Variants in ST6GALNAC5 observed in about 807,000 individuals in gnomAD.
ST6GALNAC5 encodes the protein alpha-N-acetylgalactosaminide alpha-2,6-sialyltransferase 5.
A neutral mutation model predicts 33.6 loss-of-function variants in ST6GALNAC5; 27 were observed. That is an observed-to-expected ratio of 0.80 (90% CI 0.59 to 1.11). ST6GALNAC5 has a LOEUF of 1.11. ST6GALNAC5 is among the 50% of genes least tolerant of loss of function. The pLI, the probability that ST6GALNAC5 is intolerant of heterozygous loss-of-function variation, is 0.00. For synonymous variants in ST6GALNAC5, 194 were observed against 171.2 expected (o/e 1.13, Z -1.04); for missense variants, 428 against 454.0 (o/e 0.94, Z 0.52).
chr1:76,975,714 GA>G (rs1433409003), intron 2 of ST6GALNAC5, among the ~76,000 whole-genome samples: 1 of 152,132 alleles, frequency 6.6e-6, no homozygotes, highest in African/African-American at 2.4e-5. Flanking sequence ...GTTTAAACAT[GA>G]GAAAATTTAA....
In ST6GALNAC5 at chr1:76,929,795, T is replaced by C. The variant is rs142671745; in HGVS notation, c.261+61053T>C. Among the ~76,000 whole-genome samples the C allele has an allele frequency of 3.9e-3, 589 of 152,208 alleles. 3 individuals are homozygous for C. The highest frequency in any genetic ancestry group is 9.4e-3 in the Admixed American group (144 of 15,272). ...ATTATATGTAGAAATAATATTTTTG[T>C]AGTTTGAATTTAATAAGATATTATT... On this transcript the variant is annotated intron_variant, in intron 2 of 4. Coordinates refer to ENST00000477717, the MANE Select transcript of ST6GALNAC5 (RefSeq NM_030965.3).
intron 2 of ST6GALNAC5, among the ~76,000 whole-genome samples, chr1:76,968,230 G>A (rs1570719031): frequency 6.6e-6 from 1 of 152,226 alleles, no homozygotes; most frequent in African/African-American, 2.4e-5. Flanking sequence ...TCCCTTTGTA[G>A]GTCTCTAAGG....
chr1:77,010,180 G>A lies in ST6GALNAC5; in HGVS notation c.262-34024G>A, dbSNP rs1650580290. Among the ~76,000 whole-genome samples, 3 of 152,104 alleles carry A rather than the reference G, an allele frequency of 2.0e-5. No homozygotes were observed. In the South Asian group the frequency reaches 6.2e-4, roughly 32 times the overall value. On this transcript the variant is annotated intron_variant, in intron 2 of 4. Coordinates refer to ENST00000477717, the MANE Select transcript of ST6GALNAC5 (RefSeq NM_030965.3). ...TCAATAAGTGTTAACTCAGTGATAG[G>A]GCAGATGGTCATTGATTTAAAAATA...
intron 2 of ST6GALNAC5, among the ~76,000 whole-genome samples, chr1:77,022,629 A>G (rs1651096350): frequency 6.6e-6 from 1 of 152,250 alleles, no homozygotes; most frequent in Non-Finnish European, 1.5e-5. Context: ...AGTAAAGTTT[A>G]AGCATTAAGA....
Position 77,044,195 on chromosome 1 carries a change from G to T in ST6GALNAC5, c.262-9G>T, listed in dbSNP as rs766367640. ...CCCCTGACAGTGTCCTTCTCCCCCT[G>T]CCTTCCAGCCCCTGAAAATGCACTG... On this transcript the variant is annotated splice_polypyrimidine_tract_variant and intron_variant, in intron 2 of 4. Transcript: ENST00000477717. 1 of 1,586,368 alleles carries T rather than the reference G, an allele frequency of 6.3e-7. No individual in the cohort carries two copies. Among genetic ancestry groups the T allele is most frequent in the Admixed American group, 1.7e-5 (1 of 58,594 alleles).
At chr1:76,987,032 G>C (rs1233708280) in intron 2 of ST6GALNAC5, among the ~76,000 whole-genome samples, 1 of 152,086 alleles carries the variant, frequency 6.6e-6, no homozygotes. Context: ...GTGGGGGACT[G>C]GGGGAGGGAT....
At chr1:77,023,104 C>T (rs1651113596) in intron 2 of ST6GALNAC5, among the ~76,000 whole-genome samples, 1 of 152,184 alleles carries the variant, frequency 6.6e-6, no homozygotes, top group South Asian at 2.1e-4. Flanking sequence ...TGTGAGGACA[C>T]AGTGAGAAGG....
At position 76,868,864 on chromosome 1, in the gene ST6GALNAC5, G is replaced by A; in HGVS notation, c.261+122G>A. 2.1e-6 allele frequency: 3 copies of A among 1,395,872 alleles called. No individual in the cohort carries two copies. The highest frequency in any genetic ancestry group is 1.5e-5 in the South Asian group (1 of 64,568). 86.5% of individuals were successfully genotyped at this position (1,395,872 alleles called of 1,614,324 possible). On this transcript the variant is annotated intron_variant, in intron 2 of 4. Coordinates refer to ENST00000477717, the MANE Select transcript of ST6GALNAC5 (RefSeq NM_030965.3). The surrounding 1 kb of genome is among the most constrained non-coding windows in gnomAD (Gnocchi z 4.3). ...GGTGCCGTTCGAAGGCTGGAGGGGAGTGGACCCGCTGGGGTAGGGTGGGCT... is the reference window on the plus strand; with the variant it reads ...GGTGCCGTTCGAAGGCTGGAGGGGAATGGACCCGCTGGGGTAGGGTGGGCT...
rs1202944631 is a variant in ST6GALNAC5 at position 77,044,539 on chromosome 1, G to C, written c.597G>C (p.Leu199=). The C allele has an allele frequency of 6.2e-7, 1 of 1,607,796 alleles. No homozygotes were observed. The change falls in exon 3 of 5, where the codon CTG becomes CTC. Residue 199 remains leucine (L), a synonymous_variant. Transcript: ENST00000477717. Reference sequence around the variant, plus strand: ...TCCTGAGCCAGGTGCTGCCCCGGCTGAAGGCCTTCATGATTACTCGCCACA... The same window carrying C: ...TCCTGAGCCAGGTGCTGCCCCGGCTCAAGGCCTTCATGATTACTCGCCACA... ...LHLLSQVLPR[L]KAFMITRHKM... is the part of the protein sequence containing the mutation.
chr1:76,882,945 A>G (rs1653815708), intron 2 of ST6GALNAC5, among the ~76,000 whole-genome samples: 1 of 152,028 alleles, frequency 6.6e-6, no homozygotes. Flanking sequence ...CCTAGGCACC[A>G]CGCACCCAGG....
intron 2 of ST6GALNAC5, among the ~76,000 whole-genome samples, chr1:76,979,535 G>T (rs12046188): frequency 6.6e-6 from 1 of 152,124 alleles, no homozygotes; most frequent in East Asian, 1.9e-4. Context: ...GGAAAGAGCA[G>T]CCTCTTCAAT....
intron 2 of ST6GALNAC5, among the ~76,000 whole-genome samples, chr1:76,885,804 C>A (rs938728898): frequency 2.6e-5 from 4 of 152,198 alleles, no homozygotes; most frequent in African/African-American, 9.7e-5. Flanking sequence ...TTTCATCCCC[C>A]ACCTATATGC....
At chr1:77,027,415 GTGC>G (rs1651288461) in intron 2 of ST6GALNAC5, among the ~76,000 whole-genome samples, 1 of 152,144 alleles carries the variant, frequency 6.6e-6, no homozygotes, top group African/African-American at 2.4e-5. Context: ...GTTGAAAACT[GTGC>G]CAAGCTCTGT....
intron 2 of ST6GALNAC5, among the ~76,000 whole-genome samples, chr1:77,031,533 A>G (rs1651457120): frequency 6.6e-6 from 1 of 152,204 alleles, no homozygotes; most frequent in Non-Finnish European, 1.5e-5. Flanking sequence ...TTATACTTAG[A>G]TAATAAAACA....
At chr1:77,020,059 G>A (rs1650993866) in intron 2 of ST6GALNAC5, among the ~76,000 whole-genome samples, 1 of 152,152 alleles carries the variant, frequency 6.6e-6, no homozygotes, top group Non-Finnish European at 1.5e-5. Flanking sequence ...ATTGAGCCAA[G>A]CACCCATGTT....
chr1:76,911,092 T>C (rs1289173224), intron 2 of ST6GALNAC5, among the ~76,000 whole-genome samples: 5 of 152,074 alleles, frequency 3.3e-5, no homozygotes, highest in Non-Finnish European at 5.9e-5. Context: ...ACTGCTAAGA[T>C]TTTAACACAT....
intron 2 of ST6GALNAC5, among the ~76,000 whole-genome samples, chr1:76,927,710 C>CT (rs1358981017): frequency 6.6e-6 from 1 of 151,942 alleles, no homozygotes; most frequent in Non-Finnish European, 1.5e-5. Flanking sequence ...GAGGTCTTTT[C>CT]TTTTTTTCCT....
chr1:76,912,497 G>A (rs200595609), intron 2 of ST6GALNAC5, among the ~76,000 whole-genome samples: 9 of 151,354 alleles, frequency 5.9e-5, no homozygotes, highest in South Asian at 2.1e-4. Context: ...TTTCTGTCTC[G>A]TTGATCTGTC....
chr1:76,884,586 A>G (rs1653851975), intron 2 of ST6GALNAC5, among the ~76,000 whole-genome samples: 1 of 152,180 alleles, frequency 6.6e-6, no homozygotes, highest in Non-Finnish European at 1.5e-5. Context: ...TAAAGATATT[A>G]TAATTAGAAC....
Sources: gnomAD v4.1 joint callset for allele counts (sites outside exome capture counted in the v4.1 genomes callset) on GRCh38, gnomAD v4.1.1 for gene constraint, Gnocchi (gnomAD v3.1) non-coding constraint, MANE v1.5 for transcripts, NCBI Gene and HGNC (gene_info 2026-07-23, HGNC 2026-07-21) for gene names.